Variants in BLTP3A observed in about 807,000 individuals in gnomAD.
BLTP3A encodes the protein bridge-like lipid transfer protein family member 3A, also known as ICBP90 binding protein 1.
chr6:34,860,514 A>G, the BLTP3A span, among the ~76,000 whole-genome samples: 1 of 152,220 alleles, frequency 6.6e-6, no homozygotes, highest in African/African-American at 2.4e-5. Context: ...ACAGACAGCA[A>G]GGAGGAAGGA....
chr6:34,873,908 C>T, the BLTP3A span: 3 of 152,684 alleles, frequency 2.0e-5, no homozygotes, highest in Non-Finnish European at 4.4e-5. Context: ...TCTCCACTCT[C>T]AACACTTCAT....
chr6:34,806,384 G>T, the BLTP3A span, among the ~76,000 whole-genome samples: 17 of 152,130 alleles, frequency 1.1e-4, no homozygotes, highest in Non-Finnish European at 1.8e-4. Flanking sequence ...TGCTCTCTTA[G>T]GTACGTGTTC....
the BLTP3A span, among the ~76,000 whole-genome samples, chr6:34,805,193 A>G: frequency 6.6e-6 from 1 of 151,956 alleles, no homozygotes; most frequent in Non-Finnish European, 1.5e-5. Flanking sequence ...ACTTGGGAGG[A>G]TCACCTTAGC....
the BLTP3A span, among the ~76,000 whole-genome samples, chr6:34,794,972 A>G: frequency 6.6e-6 from 1 of 151,492 alleles, no homozygotes; most frequent in African/African-American, 2.4e-5. Flanking sequence ...GTATTTTAGT[A>G]GAGATGGGGT....
the BLTP3A span, among the ~76,000 whole-genome samples, chr6:34,849,036 T>C: frequency 6.6e-6 from 1 of 151,518 alleles, no homozygotes; most frequent in Admixed American, 6.6e-5. Context: ...TCTTGCTCTG[T>C]CACCCAGGTT....
At chr6:34,872,000 T>A in the BLTP3A span, 1 of 1,458,748 alleles carries the variant, frequency 6.9e-7, no homozygotes, top group Non-Finnish European at 9.4e-7. Context: ...AACCCGGGGT[T>A]GGGGGGCAAA....
At chr6:34,871,256 T>TG in the BLTP3A span, 3 of 1,091,698 alleles carry the variant, frequency 2.7e-6, no homozygotes, top group Non-Finnish European at 3.9e-6. Context: ...TGAGGAAATA[T>TG]TAATACATAT....
At chr6:34,817,513 A>G in the BLTP3A span, among the ~76,000 whole-genome samples, 1 of 152,214 alleles carries the variant, frequency 6.6e-6, no homozygotes, top group African/African-American at 2.4e-5. Flanking sequence ...CTTCTGGATC[A>G]GAGACAAAGG....
At chr6:34,792,864 T>C in the BLTP3A span, among the ~76,000 whole-genome samples, 4 of 152,158 alleles carry the variant, frequency 2.6e-5, no homozygotes, top group Non-Finnish European at 5.9e-5. Context: ...GGTTTTCTCT[T>C]TCCCAGGAGC....
the BLTP3A span, among the ~76,000 whole-genome samples, chr6:34,850,000 G>A: frequency 2.0e-5 from 3 of 151,978 alleles, no homozygotes; most frequent in Admixed American, 2.0e-4. Context: ...AAAATTAGCC[G>A]GGTGTGGTGG....
At chr6:34,809,089 A>G in the BLTP3A span, among the ~76,000 whole-genome samples, 1 of 152,234 alleles carries the variant, frequency 6.6e-6, no homozygotes, top group Non-Finnish European at 1.5e-5. Flanking sequence ...CAAAGATGTT[A>G]TAAGGAAAGA....
the BLTP3A span, chr6:34,834,539 G>A: frequency 3.6e-6 from 5 of 1,386,884 alleles, no homozygotes; most frequent in African/African-American, 5.8e-5. Context: ...AGGCCTTTCT[G>A]TCCAGTGTTA....
the BLTP3A span, chr6:34,836,240 C>T: frequency 9.3e-6 from 15 of 1,614,076 alleles, no homozygotes; most frequent in African/African-American, 2.7e-5. Context: ...CAGCAGCAGC[C>T]GCCTCAGCCA....
the BLTP3A span, among the ~76,000 whole-genome samples, chr6:34,817,868 T>G: frequency 4.1e-3 from 411 of 99,364 alleles, 2 homozygotes; most frequent in African/African-American, 0.013. Context: ...TTTTTTTTTT[T>G]GGGGGGGTGG....
At chr6:34,856,390 T>C in the BLTP3A span, 1 of 1,613,952 alleles carries the variant, frequency 6.2e-7, no homozygotes, top group South Asian at 1.1e-5. Flanking sequence ...GAGTAGACTC[T>C]CTCTTTCGGA....
chr6:34,859,063 C>T, the BLTP3A span: 63 of 1,614,184 alleles, frequency 3.9e-5, 1 homozygote, highest in Middle Eastern at 3.3e-4. Context: ...TAGCACTAGC[C>T]TCGTAGATTC....
the BLTP3A span, among the ~76,000 whole-genome samples, chr6:34,832,484 T>G: frequency 6.6e-6 from 1 of 151,336 alleles, no homozygotes; most frequent in Non-Finnish European, 1.5e-5. Flanking sequence ...CACCCTGGCT[T>G]GAGTGCAGTG....
the BLTP3A span, chr6:34,856,663 GCTAGACAGTGTTA>G: frequency 3.5e-5 from 45 of 1,290,112 alleles, no homozygotes; most frequent in East Asian, 9.5e-4. Flanking sequence ...TCATCCAGGA[GCTAGACAGTGTTA>G]AGCTCTCTTT....
At chr6:34,872,017 G>A in the BLTP3A span, 104 of 1,267,922 alleles carry the variant, frequency 8.2e-5, no homozygotes, top group East Asian at 2.3e-3. Context: ...CAAAAAGGTT[G>A]CGTGTGCTGC....
Sources: allele counts gnomAD v4.1 joint callset (sites outside exome capture counted in the v4.1 genomes callset), GRCh38; gene constraint gnomAD v4.1.1; transcripts MANE v1.5; gene names NCBI Gene and HGNC (gene_info 2026-07-23, HGNC 2026-07-21).